The following GALNT13 variants were observed in gnomAD, a reference collection of about 807,000 sequenced individuals.
GALNT13 encodes UDP-GalNAc:polypeptide N-acetylgalactosaminyltransferase 13.
In GALNT13, 28 loss-of-function variants were observed where a neutral mutation model predicts 64.2. The observed-to-expected ratio is 0.44, with a 90% CI of 0.32 to 0.60. The LOEUF (loss-of-function observed/expected upper bound fraction) is 0.60. Ranked by LOEUF, GALNT13 falls within the 20% of genes least tolerant of loss-of-function variation. GALNT13 has a pLI of 0.05. For missense variants in GALNT13, 577 were observed against 669.8 expected (o/e 0.86, Z 1.53); for synonymous variants, 214 against 224.6 (o/e 0.95, Z 0.42).
chr2:153,905,027 T>C (rs1247389792), intron 2 of GALNT13, among the ~76,000 whole-genome samples: 2 of 151,994 alleles, frequency 1.3e-5, no homozygotes, highest in African/African-American at 2.4e-5. Flanking sequence ...TTACCACTTA[T>C]AACACTATTT....
the GALNT13 span, among the ~76,000 whole-genome samples, chr2:153,517,955 A>G: frequency 6.6e-6 from 1 of 152,202 alleles, no homozygotes; most frequent in Non-Finnish European, 1.5e-5. Context: ...ACATATCAAT[A>G]GCATGAAACA....
the GALNT13 span, among the ~76,000 whole-genome samples, chr2:153,176,503 A>C: frequency 6.6e-6 from 1 of 151,822 alleles, no homozygotes; most frequent in African/African-American, 2.4e-5. Context: ...AGAAATAGAA[A>C]ATCCGAAATT....
intron 8 of GALNT13, among the ~76,000 whole-genome samples, chr2:154,280,986 A>C (rs569895314): frequency 6.6e-6 from 1 of 152,332 alleles, no homozygotes; most frequent in South Asian, 2.1e-4. Context: ...AGGAAAACAA[A>C]AATTCCAATA....
the GALNT13 span, among the ~76,000 whole-genome samples, chr2:153,783,502 A>G: frequency 1.3e-5 from 2 of 151,988 alleles, no homozygotes; most frequent in African/African-American, 4.8e-5. Context: ...TTCATCAGTC[A>G]CCTTCAATGG....
At chr2:153,520,638 T>C in the GALNT13 span, among the ~76,000 whole-genome samples, 8 of 152,148 alleles carry the variant, frequency 5.3e-5, no homozygotes, top group African/African-American at 2.4e-5. Context: ...TGCTGAGAGG[T>C]TGGCGCATTG....
At chr2:153,483,005 C>T in the GALNT13 span, among the ~76,000 whole-genome samples, 2 of 152,100 alleles carry the variant, frequency 1.3e-5, no homozygotes, top group African/African-American at 4.8e-5. Flanking sequence ...TAGTTTTCTT[C>T]TAAGAAGTCT....
the GALNT13 span, among the ~76,000 whole-genome samples, chr2:153,256,888 G>T: frequency 6.6e-6 from 1 of 152,258 alleles, no homozygotes; most frequent in Non-Finnish European, 1.5e-5. Flanking sequence ...GTCTGCAGAG[G>T]TTACTGTTGT....
At chr2:153,396,647 A>T in the GALNT13 span, among the ~76,000 whole-genome samples, 1 of 152,092 alleles carries the variant, frequency 6.6e-6, no homozygotes, top group East Asian at 1.9e-4. Flanking sequence ...AGGATGAATA[A>T]TGTGACCATA....
intron 9 of GALNT13, among the ~76,000 whole-genome samples, chr2:154,356,679 A>G (rs1018590479): frequency 2.0e-5 from 3 of 151,968 alleles, no homozygotes; most frequent in Admixed American, 2.0e-4. Context: ...AACCTCCGCC[A>G]TTAATTTACT....
At chr2:153,631,583 G>A in the GALNT13 span, among the ~76,000 whole-genome samples, 1 of 152,170 alleles carries the variant, frequency 6.6e-6, no homozygotes. Flanking sequence ...ATTTTTTCAT[G>A]TATCTGTTGG....
intron 4 of GALNT13, among the ~76,000 whole-genome samples, chr2:154,190,915 T>G (rs2105754752): frequency 6.6e-6 from 1 of 152,358 alleles, no homozygotes; most frequent in African/African-American, 2.4e-5. Flanking sequence ...TTTATATTCT[T>G]TTATTCATAC....
chr2:154,110,356 G>GAC lies in GALNT13; in HGVS notation c.143-29980_143-29979insCA, dbSNP rs1558963162. On this transcript the variant is annotated intron_variant, in intron 3 of 12. Transcript: ENST00000392825. ...ATATATAGAGAGAGAGAGAGAGAGA[G>GAC]AGAGAGAGAGAGAGAGAGAGACAGA... 8.6e-4 allele frequency among the ~76,000 whole-genome samples: 84 copies of GAC among 97,688 alleles called. 1 individual carries two copies. The highest frequency in any genetic ancestry group is 3.4e-3 in the African/African-American group (79 of 22,954). 64.1% of individuals were successfully genotyped at this position (97,688 alleles called of 152,430 possible).
chr2:154,271,536 C>T (rs1277568030), intron 8 of GALNT13, among the ~76,000 whole-genome samples: 1 of 151,878 alleles, frequency 6.6e-6, no homozygotes, highest in Non-Finnish European at 1.5e-5. Flanking sequence ...AATACCACAT[C>T]TGTGGAATTA....
chr2:153,362,790 G>C, the GALNT13 span, among the ~76,000 whole-genome samples: 2 of 152,074 alleles, frequency 1.3e-5, no homozygotes, highest in Non-Finnish European at 2.9e-5. Flanking sequence ...AATAGTGGGA[G>C]ACTTTAACAT....
At chr2:153,250,576 G>A in the GALNT13 span, among the ~76,000 whole-genome samples, 19 of 152,244 alleles carry the variant, frequency 1.2e-4, no homozygotes, top group Admixed American at 5.2e-4. Context: ...AAAGACACAC[G>A]CACATGTATG....
chr2:153,931,480 C>T (rs1690512763), intron 2 of GALNT13, among the ~76,000 whole-genome samples: 1 of 151,810 alleles, frequency 6.6e-6, no homozygotes, highest in South Asian at 2.1e-4. Context: ...TTGTCATTGG[C>T]TGCGGTTTTG....
chr2:153,953,855 G>A (rs1692375483), intron 3 of GALNT13, among the ~76,000 whole-genome samples: 1 of 151,976 alleles, frequency 6.6e-6, no homozygotes, highest in Non-Finnish European at 1.5e-5. Context: ...CTGAATTGGG[G>A]GAAATCAAAA....
the GALNT13 span, among the ~76,000 whole-genome samples, chr2:153,554,239 C>A: frequency 2.6e-5 from 4 of 151,090 alleles, no homozygotes; most frequent in Non-Finnish European, 5.9e-5. Flanking sequence ...AGGCAGGAGG[C>A]AGGAGAATGG....
At chr2:153,573,215 T>C in the GALNT13 span, among the ~76,000 whole-genome samples, 1 of 152,042 alleles carries the variant, frequency 6.6e-6, no homozygotes, top group Non-Finnish European at 1.5e-5. Context: ...TCTCTTCTTA[T>C]AGTTTTTGTC....
Sources: allele counts gnomAD v4.1 joint callset (sites outside exome capture counted in the v4.1 genomes callset), GRCh38; gene constraint gnomAD v4.1.1; transcripts MANE v1.5; gene names NCBI Gene and HGNC (gene_info 2026-07-23, HGNC 2026-07-21).